ENPP6: variants seen among roughly 807,000 people sequenced by gnomAD.
ENPP6 encodes ectonucleotide pyrophosphatase/phosphodiesterase 6.
A neutral mutation model predicts 42.0 loss-of-function variants in ENPP6; 32 were observed. The observed-to-expected ratio is 0.76, with a 90% CI of 0.58 to 1.02. ENPP6 has a LOEUF of 1.02. Among genes scored for constraint, ENPP6 ranks in the 50% least tolerant of loss-of-function variants. The pLI is 0.00. For synonymous variants in ENPP6, 213 were observed against 216.0 expected, an observed-to-expected ratio of 0.99 and a Z score of 0.12; for missense variants, 552 against 566.8, an observed-to-expected ratio of 0.97 and a Z score of 0.27.
intron 1 of ENPP6, among the ~76,000 whole-genome samples, chr4:184,192,715 T>C (rs1224690615): frequency 1.3e-5 from 2 of 152,236 alleles, no homozygotes; most frequent in African/African-American, 4.8e-5. Flanking sequence ...AAGGAATTTA[T>C]ATCTAGCATA....
chr4:184,157,223 C>T (rs1737173852), intron 1 of ENPP6, among the ~76,000 whole-genome samples: 2 of 152,178 alleles, frequency 1.3e-5, no homozygotes, highest in Non-Finnish European at 2.9e-5. Context: ...AGTTTTGCAT[C>T]CGCTGACCCC....
At chr4:184,207,202 A>G (rs1452202152) in intron 1 of ENPP6, among the ~76,000 whole-genome samples, 1 of 152,250 alleles carries the variant, frequency 6.6e-6, no homozygotes, top group Non-Finnish European at 1.5e-5. Context: ...ATCTCTTGGT[A>G]GTTTACTGGC....
intron 1 of ENPP6, among the ~76,000 whole-genome samples, chr4:184,165,429 C>A (rs544055086): frequency 2.0e-5 from 3 of 152,172 alleles, no homozygotes; most frequent in East Asian, 3.8e-4. Flanking sequence ...CGCCCTCCCC[C>A]GCACCAGCAC....
intron 1 of ENPP6, among the ~76,000 whole-genome samples, chr4:184,161,028 A>C (rs1332269682): frequency 2.0e-5 from 3 of 152,216 alleles, no homozygotes; most frequent in African/African-American, 7.2e-5. Context: ...CAAACACAAC[A>C]AAAACAAAAA....
intron 6 of ENPP6, among the ~76,000 whole-genome samples, chr4:184,109,780 G>C (rs1736168744): frequency 1.3e-5 from 2 of 152,146 alleles, no homozygotes; most frequent in Non-Finnish European, 2.9e-5. Flanking sequence ...TTCTCCCTAA[G>C]ACATACAATA....
At chr4:184,200,466 T>C (rs4862338) in intron 1 of ENPP6, among the ~76,000 whole-genome samples, 130,997 of 152,296 alleles carry the variant, frequency 0.86, 57,607 homozygotes, top group East Asian at 0.98. Context: ...GTGAACCTTT[T>C]TGGCTTCGGT....
chr4:184,153,863 CT>C, intron 1 of ENPP6, 130 bp from the exon 2 acceptor site: 2 of 1,072,026 alleles, frequency 1.9e-6, no homozygotes, highest in South Asian at 2.0e-5. Flanking sequence ...TTGCTTTTGA[CT>C]TTAAAAAAAA....
chr4:184,166,836 C>A (rs1327360458), intron 1 of ENPP6, among the ~76,000 whole-genome samples: 1 of 152,248 alleles, frequency 6.6e-6, no homozygotes, highest in African/African-American at 2.4e-5. Flanking sequence ...GCTTCCTTTT[C>A]CCACCCACTG....
At chr4:184,101,862 T>A (rs1247551689) in intron 6 of ENPP6, among the ~76,000 whole-genome samples, 1 of 152,188 alleles carries the variant, frequency 6.6e-6, no homozygotes, top group East Asian at 1.9e-4. Flanking sequence ...GTTAATCATT[T>A]CTAACAGGAA....
chr4:184,127,709 A>G (rs1310859891), intron 2 of ENPP6, among the ~76,000 whole-genome samples: 5 of 152,194 alleles, frequency 3.3e-5, no homozygotes, highest in Non-Finnish European at 7.3e-5. Context: ...GTGAGCTGAG[A>G]TTGAGCCATT....
chr4:184,091,929 T>G (rs982528159), intron 7 of ENPP6, among the ~76,000 whole-genome samples: 4 of 152,118 alleles, frequency 2.6e-5, no homozygotes, highest in African/African-American at 7.2e-5. Flanking sequence ...ACTTTCTTTG[T>G]GCATAACTGT....
At position 184,217,440 on chromosome 4, in the gene ENPP6, AT is replaced by A. The variant is rs370403362; in HGVS notation, c.241+138del. ...AAAGTCTTCTCAGCCAAGAACACAG[AT>A]TTTTTTTATCTACCTTTGATGTCCC... On this transcript the variant is annotated intron_variant, in intron 1 of 7. Coordinates refer to ENST00000296741, the MANE Select transcript of ENPP6 (RefSeq NM_153343.4). The A allele has an allele frequency of 7.4e-4, 924 of 1,256,804 alleles. 4 individuals carry two copies. The African/African-American group carries it at 0.013, about 17-fold the overall frequency. The allele number at this position is 1,256,804 out of a possible 1,614,324, so 77.9% of individuals were successfully genotyped here.
Position 184,207,040 on chromosome 4 carries a change from T to A in ENPP6, c.241+10539A>T, listed in dbSNP as rs139200151. ...GGCCAGTTGCTGTGTGAGAACGGGGTCTCTGATGCCTGCTCCCCCATCTCA... is the reference window on the plus strand; with the variant it reads ...GGCCAGTTGCTGTGTGAGAACGGGGACTCTGATGCCTGCTCCCCCATCTCA... On this transcript the variant is annotated intron_variant, in intron 1 of 7. Coordinates refer to ENST00000296741, the MANE Select transcript of ENPP6 (RefSeq NM_153343.4). Among the ~76,000 whole-genome samples, 787 of 152,330 alleles carry A rather than the reference T, an allele frequency of 5.2e-3. 5 individuals carry two copies. The highest frequency in any genetic ancestry group is 7.0e-3 in the Non-Finnish European group (477 of 68,030).
In ENPP6 at chr4:184,090,215, C is replaced by T. The variant is rs1046145019; in HGVS notation, c.*962G>A. The T allele has an allele frequency of 6.6e-6, 1 of 152,274 alleles. No individual in the cohort carries two copies. Among genetic ancestry groups the T allele is most frequent in the Non-Finnish European group, 1.5e-5 (1 of 68,114 alleles). 9.4% of individuals were successfully genotyped at this position (152,274 alleles called of 1,614,324 possible). On this transcript the variant is annotated 3_prime_UTR_variant, in exon 8 of 8. Coordinates refer to ENST00000296741, the MANE Select transcript of ENPP6 (RefSeq NM_153343.4). ...AACCCACCGAGATCCTTGCTGATGC[C>T]TCCACATTCTCATCAGTGAGCCAGC... is the stretch of plus-strand genomic sequence containing the variant.
At chr4:184,113,733 AT>A (rs1246216823) in intron 5 of ENPP6, among the ~76,000 whole-genome samples, 1 of 152,124 alleles carries the variant, frequency 6.6e-6, no homozygotes, top group South Asian at 2.1e-4. Flanking sequence ...CATTAACTAC[AT>A]TGCTAATTTC....
intron 6 of ENPP6, among the ~76,000 whole-genome samples, chr4:184,098,510 C>T (rs1407786479): frequency 2.0e-5 from 3 of 152,202 alleles, no homozygotes; most frequent in Non-Finnish European, 2.9e-5. Context: ...CCCTTGGGAG[C>T]AACTCCAAGC....
At chr4:184,096,727 CAA>C (rs897768935) in intron 7 of ENPP6, among the ~76,000 whole-genome samples, 6 of 152,152 alleles carry the variant, frequency 3.9e-5, no homozygotes, top group African/African-American at 7.2e-5. Context: ...GGCTCATTCT[CAA>C]AGTCAGGCTC....
intron 5 of ENPP6, among the ~76,000 whole-genome samples, chr4:184,113,030 G>T (rs4862310): frequency 0.34 from 51,239 of 152,126 alleles, 10,153 homozygotes; most frequent in Non-Finnish European, 0.46. Flanking sequence ...TCTCACCTAA[G>T]AAGTTGACTC....
At position 184,091,235 on chromosome 4, in the gene ENPP6, G is replaced by T; in HGVS notation, c.1265C>A (p.Pro422Gln). The change falls in exon 8 of 8, where the codon CCG becomes CAG. Residue 422 changes from proline (P) to glutamine (Q), a missense_variant. Around this residue, in one of 2 missense-constraint regions of ENPP6, gnomAD observed 545 missense variants for 546.3 expected, o/e 1.00. Transcript: ENST00000296741. Reference protein sequence around the residue: ...CMLKGRASTAPPVWPSHCALA... With the variant: ...CMLKGRASTAQPVWPSHCALA... ...GGCACAGTGGCTGGGCCAGACAGGC[G>T]GGGCAGTGCTGGCGCGGCCCTTCAG... 1 of 1,594,840 alleles carries T rather than the reference G, an allele frequency of 6.3e-7. No homozygotes were observed. The highest frequency in any genetic ancestry group is 8.5e-7 in the Non-Finnish European group (1 of 1,170,398).
Sources: allele counts gnomAD v4.1 joint callset (sites outside exome capture counted in the v4.1 genomes callset), GRCh38; gene constraint gnomAD v4.1.1; regional missense constraint gnomAD v4.1.1; transcripts MANE v1.5; gene names NCBI Gene and HGNC (gene_info 2026-07-23, HGNC 2026-07-21).